The following CDK8 variants were observed in gnomAD, a reference collection of about 807,000 sequenced individuals.
CDK8 encodes the protein cyclin-dependent kinase 8.
In CDK8, 29 loss-of-function variants were observed where a neutral mutation model predicts 71.5. That is an observed-to-expected ratio of 0.41 (90% CI 0.30 to 0.55). The LOEUF (loss-of-function observed/expected upper bound fraction) is 0.55. Among genes scored for constraint, CDK8 ranks in the 20% least tolerant of loss-of-function variants. The pLI is 0.37. For synonymous variants in CDK8, 161 were observed against 192.1 expected, an observed-to-expected ratio of 0.84 and a Z score of 1.34; for missense variants, 288 against 572.6, an observed-to-expected ratio of 0.50 and a Z score of 5.07.
rs552436224 is a variant in CDK8 at position 26,355,008 on chromosome 13, A to T, written c.456+1128A>T. Among the ~76,000 whole-genome samples, 3 of 152,324 alleles carry T rather than the reference A, an allele frequency of 2.0e-5. No individual in the cohort carries two copies. In the East Asian group the frequency reaches 5.8e-4, roughly 29 times the overall value. On this transcript the variant is annotated intron_variant, in intron 4 of 12. Transcript: ENST00000381527. Reference sequence around the variant, plus strand: ...GCTAAAAGTGATTATTTTGTCTCTAATCACCTGTATACAAAGGAAATATCC... The same window carrying T: ...GCTAAAAGTGATTATTTTGTCTCTATTCACCTGTATACAAAGGAAATATCC...
At chr13:26,393,235 GAA>G (rs1336867920) in intron 6 of CDK8, 130 bp from the exon 7 acceptor site, 3 of 587,554 alleles carry the variant, frequency 5.1e-6, no homozygotes, top group Non-Finnish European at 8.8e-6. Flanking sequence ...ATTAGGGAAA[GAA>G]AGAAAAAAAC....
intron 2 of CDK8, among the ~76,000 whole-genome samples, chr13:26,338,023 A>G (rs1012962303): frequency 5.3e-5 from 8 of 152,036 alleles, no homozygotes; most frequent in Admixed American, 1.3e-4. Context: ...ATGAGGTTGT[A>G]TTATTTGATT....
intron 1 of CDK8, among the ~76,000 whole-genome samples, chr13:26,296,859 A>G (rs528215946): frequency 1.2e-4 from 18 of 152,286 alleles, no homozygotes; most frequent in African/African-American, 4.3e-4. Context: ...CCTTTTATTA[A>G]TAAAAGGACC....
chr13:26,356,509 GAAA>G (rs1593285264), intron 4 of CDK8, among the ~76,000 whole-genome samples: 1 of 152,176 alleles, frequency 6.6e-6, no homozygotes, highest in Non-Finnish European at 1.5e-5. Flanking sequence ...ATTGTTTCAT[GAAA>G]ATGATAGCCT....
intron 1 of CDK8, among the ~76,000 whole-genome samples, chr13:26,260,327 A>C (rs1019209181): frequency 6.6e-6 from 1 of 152,146 alleles, no homozygotes; most frequent in Non-Finnish European, 1.5e-5. Context: ...CGAACACCAT[A>C]ATTGTGTGTG....
chr13:26,391,322 G>T (rs1219668532), intron 6 of CDK8, among the ~76,000 whole-genome samples: 2 of 152,106 alleles, frequency 1.3e-5, no homozygotes, highest in African/African-American at 2.4e-5. Context: ...GTCAAGGCTG[G>T]ATTCAAACTC....
intron 1 of CDK8, among the ~76,000 whole-genome samples, chr13:26,302,546 T>C (rs1027434404): frequency 3.3e-5 from 5 of 152,324 alleles, no homozygotes; most frequent in Middle Eastern, 6.8e-3. Flanking sequence ...CTCTAACCCT[T>C]TCCTGTAGCT....
At chr13:26,306,399 ACTT>A (rs1874041415) in intron 1 of CDK8, among the ~76,000 whole-genome samples, 1 of 145,030 alleles carries the variant, frequency 6.9e-6, no homozygotes, top group African/African-American at 2.4e-5. Flanking sequence ...CTTGTTATTT[ACTT>A]CTTGTAGCAT....
intron 1 of CDK8, among the ~76,000 whole-genome samples, chr13:26,291,073 T>A (rs1873273724): frequency 6.7e-6 from 1 of 149,318 alleles, no homozygotes; most frequent in African/African-American, 2.5e-5. Flanking sequence ...GAGCCAGGAC[T>A]GTGCCACTGC....
intron 2 of CDK8, among the ~76,000 whole-genome samples, chr13:26,348,502 C>G (rs1291848652): frequency 6.6e-6 from 1 of 152,058 alleles, no homozygotes; most frequent in East Asian, 1.9e-4. Flanking sequence ...AATCTAATGC[C>G]TAATGAATGA....
At chr13:26,326,801 G>A (rs1875039573) in intron 1 of CDK8, among the ~76,000 whole-genome samples, 1 of 152,164 alleles carries the variant, frequency 6.6e-6, no homozygotes, top group Non-Finnish European at 1.5e-5. Context: ...TTCAAAAATA[G>A]CCAGACACCT....
intron 4 of CDK8, among the ~76,000 whole-genome samples, chr13:26,380,419 G>A (rs1373039296): frequency 2.0e-5 from 3 of 151,982 alleles, no homozygotes; most frequent in Non-Finnish European, 4.4e-5. Flanking sequence ...GACCTCAGGC[G>A]ACCCGCCCAC....
At chr13:26,391,359 A>C (rs1875737920) in intron 6 of CDK8, among the ~76,000 whole-genome samples, 1 of 152,220 alleles carries the variant, frequency 6.6e-6, no homozygotes, top group African/African-American at 2.4e-5. Context: ...CTCCCGCCTC[A>C]GCCTCCTGAG....
At chr13:26,265,771 T>C (rs767740510) in intron 1 of CDK8, among the ~76,000 whole-genome samples, 1 of 152,100 alleles carries the variant, frequency 6.6e-6, no homozygotes, top group Non-Finnish European at 1.5e-5. Context: ...AATAATCAAA[T>C]TGGGGAAGTA....
intron 1 of CDK8, among the ~76,000 whole-genome samples, chr13:26,268,899 C>T (rs762093009): frequency 3.9e-5 from 6 of 152,060 alleles, no homozygotes; most frequent in Admixed American, 2.6e-4. Flanking sequence ...GTTGGTTGGC[C>T]TTGGTCATCC....
At chr13:26,348,869 G>A (rs1873573244) in intron 2 of CDK8, among the ~76,000 whole-genome samples, 1 of 152,128 alleles carries the variant, frequency 6.6e-6, no homozygotes, top group African/African-American at 2.4e-5. Context: ...GATTTACTCA[G>A]ATAATACCTG....
chr13:26,363,341 A>AAAAAAAAAAAAAAAAG, intron 4 of CDK8, among the ~76,000 whole-genome samples: 1 of 149,018 alleles, frequency 6.7e-6, no homozygotes, highest in Admixed American at 6.7e-5. Context: ...AAAAAAAAAA[A>AAAAAAAAAAAAAAAAG]GAAATTTGGA....
chr13:26,259,145 A>C (rs552503169), intron 1 of CDK8, among the ~76,000 whole-genome samples: 1 of 152,348 alleles, frequency 6.6e-6, no homozygotes, highest in East Asian at 1.9e-4. Flanking sequence ...TGCCAAATAC[A>C]ATATGTAATT....
intron 1 of CDK8, among the ~76,000 whole-genome samples, chr13:26,256,894 C>T (rs1400648873): frequency 6.6e-6 from 1 of 152,024 alleles, no homozygotes; most frequent in East Asian, 1.9e-4. Context: ...AAATTACTAT[C>T]TTTTAGAGAT....
Sources: allele counts gnomAD v4.1 joint callset (sites outside exome capture counted in the v4.1 genomes callset), GRCh38; gene constraint gnomAD v4.1.1; transcripts MANE v1.5; gene names NCBI Gene and HGNC (gene_info 2026-07-23, HGNC 2026-07-21).